Variants in PKD1L1 observed in about 807,000 individuals in gnomAD.
PKD1L1 encodes the protein polycystin-1-like protein 1.
PKD1L1 carries 236 observed loss-of-function variants against 323.4 expected under a neutral mutation model. The ratio of observed to expected loss-of-function variants is 0.73; its 90% CI spans 0.66 to 0.81. The LOEUF is 0.81. PKD1L1 is among the 40% of genes least tolerant of loss of function. PKD1L1 has a pLI of 0.00. For missense variants in PKD1L1, 3,320 were observed against 3,508.0 expected, an observed-to-expected ratio of 0.95 and a Z score of 1.35; for synonymous variants, 1,344 against 1,335.0, an observed-to-expected ratio of 1.01 and a Z score of -0.15.
chr7:47,830,945 C>T (rs1785336227), intron 42 of PKD1L1, among the ~76,000 whole-genome samples: 1 of 152,228 alleles, frequency 6.6e-6, no homozygotes, highest in African/African-American at 2.4e-5. Flanking sequence ...TTCCTTCCTT[C>T]CTTGGGTGGG....
At chr7:47,797,023 A>G (rs1419790065) in intron 54 of PKD1L1, among the ~76,000 whole-genome samples, 1 of 151,238 alleles carries the variant, frequency 6.6e-6, no homozygotes, top group Admixed American at 6.6e-5. Context: ...AAAACACCCA[A>G]ACAAACATTT....
intron 56 of PKD1L1, among the ~76,000 whole-genome samples, chr7:47,777,997 A>G (rs1385349335): frequency 6.6e-6 from 1 of 152,260 alleles, no homozygotes; most frequent in Non-Finnish European, 1.5e-5. Context: ...AAGCTTGGGC[A>G]GTGAGGGACA....
Position 47,880,822 on chromosome 7 carries a change from G to C in PKD1L1, c.3443-17C>G. On this transcript the variant is annotated splice_polypyrimidine_tract_variant and intron_variant, in intron 20 of 56. Coordinates refer to ENST00000289672, the MANE Select transcript of PKD1L1 (RefSeq NM_138295.5). ...CTGTAATACCTGCAGAAAAGACATG[G>C]CTGCATGGAAATGACAGTCAGTGGT... 5.7e-6 allele frequency: 9 copies of C among 1,585,654 alleles called. No homozygotes were observed. The highest frequency in any genetic ancestry group is 7.7e-6 in the Non-Finnish European group (9 of 1,161,764).
chr7:47,875,468 A>T (rs921239904), intron 23 of PKD1L1, among the ~76,000 whole-genome samples: 22 of 152,224 alleles, frequency 1.4e-4, no homozygotes, highest in African/African-American at 5.3e-4. Context: ...AAAAAATAAA[A>T]CAGAAACTTA....
intron 2 of PKD1L1, among the ~76,000 whole-genome samples, chr7:47,943,161 AAAAT>A (rs1242512300): frequency 4.7e-5 from 4 of 85,038 alleles, no homozygotes; most frequent in African/African-American, 1.2e-4. Context: ...AAAAAAAAAA[AAAAT>A]ATATATATAT....
intron 2 of PKD1L1, among the ~76,000 whole-genome samples, chr7:47,942,144 T>C (rs541586982): frequency 4.6e-5 from 7 of 152,176 alleles, no homozygotes; most frequent in Non-Finnish European, 1.0e-4. Context: ...TCTCTAATTT[T>C]GTTTTCTCGT....
chr7:47,904,272 G>A lies in PKD1L1; in HGVS notation c.1931+106C>T, dbSNP rs6956732. The A allele has an allele frequency of 0.078, 114,434 of 1,472,442 alleles. 5,157 individuals carry two copies. Among genetic ancestry groups the A allele is most frequent in the East Asian group, 0.17 (7,539 of 43,226 alleles). The allele number at this position is 1,472,442 out of a possible 1,614,324, so 91.2% of individuals were successfully genotyped here. A position where few individuals can be genotyped will look rare whatever the true frequency, so the allele number is the denominator to read the frequency against. On this transcript the variant is annotated intron_variant, in intron 12 of 56. Transcript: ENST00000289672. ...CTCTGTGTAATCATCTGTCACCTACGTTGACTGACAGGCAGGTCTCTATGT... is the reference window on the plus strand; with the variant it reads ...CTCTGTGTAATCATCTGTCACCTACATTGACTGACAGGCAGGTCTCTATGT...
intron 21 of PKD1L1, 22 bp from the exon 22 acceptor site, chr7:47,877,653 C>T (rs201731668): frequency 1.3e-4 from 202 of 1,610,070 alleles, no homozygotes; most frequent in Non-Finnish European, 1.6e-4. Context: ...GATGAAGCAG[C>T]GGTTTCACCC....
chr7:47,786,440 C>T (rs1786809365), intron 56 of PKD1L1, among the ~76,000 whole-genome samples: 1 of 152,136 alleles, frequency 6.6e-6, no homozygotes, highest in South Asian at 2.1e-4. Context: ...CCAGTCTTCA[C>T]AGATTGTGTT....
intron 51 of PKD1L1, among the ~76,000 whole-genome samples, chr7:47,808,610 T>C (rs1230955755): frequency 6.6e-6 from 1 of 152,218 alleles, no homozygotes; most frequent in Non-Finnish European, 1.5e-5. Flanking sequence ...AGACAGCCTA[T>C]TGTTCCCAGG....
chr7:47,922,996 C>A (rs1213987870), intron 7 of PKD1L1, among the ~76,000 whole-genome samples: 1 of 152,210 alleles, frequency 6.6e-6, no homozygotes, highest in East Asian at 1.9e-4. Flanking sequence ...AAGAAAAATT[C>A]TTCTGCCTTG....
intron 41 of PKD1L1, among the ~76,000 whole-genome samples, chr7:47,831,837 C>T (rs980749856): frequency 3.3e-5 from 5 of 152,236 alleles, no homozygotes; most frequent in African/African-American, 1.2e-4. Flanking sequence ...AACAACTAAG[C>T]AGGCTGACCT....
chr7:47,889,437 T>C (rs985832740), intron 16 of PKD1L1, among the ~76,000 whole-genome samples: 1 of 152,192 alleles, frequency 6.6e-6, no homozygotes, highest in Non-Finnish European at 1.5e-5. Context: ...TCACTTTTAG[T>C]ACATATCCAG....
intron 27 of PKD1L1, 21 bp from the exon 28 acceptor site, chr7:47,857,853 A>G (rs778411047): frequency 6.2e-7 from 1 of 1,605,320 alleles, no homozygotes; most frequent in African/African-American, 1.3e-5. Context: ...GAGCATAGGG[A>G]GTGGGATGTT....
chr7:47,864,575 C>CTTTTCT (rs1786106651), intron 26 of PKD1L1, among the ~76,000 whole-genome samples: 7 of 118,462 alleles, frequency 5.9e-5, no homozygotes, highest in Admixed American at 2.6e-4. Flanking sequence ...CTTTTTCTTT[C>CTTTTCT]TTTTCTTTCT....
At chr7:47,778,391 G>GGAACAAAA (rs998423310) in intron 56 of PKD1L1, among the ~76,000 whole-genome samples, 1 of 152,074 alleles carries the variant, frequency 6.6e-6, no homozygotes, top group Non-Finnish European at 1.5e-5. Context: ...ACATCAGAAG[G>GGAACAAAA]GAACAAAAGA....
Position 47,831,220 on chromosome 7 carries a change from T to C in PKD1L1, c.6470A>G (p.Tyr2157Cys). The C allele has an allele frequency of 1.2e-6, 2 of 1,613,488 alleles. No homozygotes were observed. Among genetic ancestry groups the C allele is most frequent in the Non-Finnish European group, 1.7e-6 (2 of 1,179,714 alleles). ...ACSLGTGFLAYRFGQEQCVQW... is the reference protein window; with the variant it reads ...ACSLGTGFLACRFGQEQCVQW... The stretch of plus-strand genomic sequence containing the variant: ...TTTGAAAAACTCTACAGCTCACCTG[T>C]AGGCTAGAAATCCTGTCCCCAAACT... The change falls in exon 42 of 57, where the codon TAC becomes TGC. Residue 2157 changes from tyrosine to cysteine, a missense_variant. By Grantham distance (194) the Tyr-to-Cys change is radical. Coordinates refer to ENST00000289672, the MANE Select transcript of PKD1L1 (RefSeq NM_138295.5).
intron 13 of PKD1L1, among the ~76,000 whole-genome samples, 200 bp downstream of exon 13, chr7:47,902,179 T>C (rs1787106315): frequency 6.6e-6 from 1 of 152,204 alleles, no homozygotes; most frequent in Non-Finnish European, 1.5e-5. Context: ...CTGTCCAGGC[T>C]GGGGTAGCCC....
At position 47,904,517 on chromosome 7, in the gene PKD1L1, A is replaced by G; in HGVS notation, c.1792T>C (p.Ser598Pro). 1 of 1,614,106 alleles carries G rather than the reference A, an allele frequency of 6.2e-7. No individual in the cohort carries two copies. Among genetic ancestry groups the G allele is most frequent in the East Asian group, 2.2e-5 (1 of 44,872 alleles). ...GCATTTACCAGAGCTGAGGAGGGGG[A>G]CGTGAGCCGATTGGCCACAATTTTC... is the stretch of plus-strand genomic sequence containing the variant. The part of the protein sequence containing the change: ...QKKIVANRLT[S>P]PSSALVNASV... The change falls in exon 12 of 57, where the codon TCC becomes CCC. Residue 598 changes from serine (S) to proline (P), a missense_variant. Coordinates refer to ENST00000289672, the MANE Select transcript of PKD1L1 (RefSeq NM_138295.5).
Sources: allele counts gnomAD v4.1 joint callset (sites outside exome capture counted in the v4.1 genomes callset), GRCh38; gene constraint gnomAD v4.1.1; transcripts MANE v1.5; gene names NCBI Gene and HGNC (gene_info 2026-07-23, HGNC 2026-07-21).